MED12L: variants seen among roughly 807,000 people sequenced by gnomAD.
The protein encoded by MED12L is mediator complex subunit 12L, also known as mediator of RNA polymerase II transcription subunit 12-like protein.
In MED12L, 60 loss-of-function variants were observed where a neutral mutation model predicts 281.3. The observed-to-expected ratio is 0.21, with a 90% CI of 0.17 to 0.26. The LOEUF (loss-of-function observed/expected upper bound fraction) is 0.26, where lower values mean the gene tolerates loss of function less well. Ranked by LOEUF, MED12L falls within the 10% of genes least tolerant of loss-of-function variation. The pLI is 1.00. For missense variants in MED12L, 2,146 were observed against 2,680.9 expected (o/e 0.80, Z 4.41); for synonymous variants, 974 against 987.2 (o/e 0.99, Z 0.25).
intron 16 of MED12L, among the ~76,000 whole-genome samples, chr3:151,239,914 C>T (rs1342258755): frequency 6.6e-6 from 1 of 152,192 alleles, no homozygotes; most frequent in African/African-American, 2.4e-5. Flanking sequence ...TTCCCAAGTT[C>T]ATTTTTGTAA....
In MED12L at chr3:151,413,189, A is replaced by G. The variant is rs746494648; in HGVS notation, c.6191A>G (p.Asp2064Gly). ...AGCCCTCTGGTGGGCGGGGGAATTG[A>G]TGCTGTGCTGACTTCTGCACATCCA... Reference protein sequence around the residue: ...QQSPLVGGGIDAVLTSAHPNL... With the variant: ...QQSPLVGGGIGAVLTSAHPNL... The change falls in exon 42 of 45, where the codon GAT (aspartate) becomes GGT (glycine). Residue 2064 changes from aspartate to glycine, a missense_variant. Transcript: ENST00000687756. The G allele has an allele frequency of 8.7e-6, 14 of 1,614,014 alleles. No individual in the cohort carries two copies. The highest frequency in any genetic ancestry group is 1.6e-4 in the Middle Eastern group (1 of 6,084).
In MED12L at chr3:151,159,007, C is replaced by T. The variant is rs150933440; in HGVS notation, c.837+208C>T. 8.5e-5 allele frequency among the ~76,000 whole-genome samples: 13 copies of T among 152,304 alleles called. No individual in the cohort carries two copies. The East Asian group carries it at 2.1e-3, about 25-fold the overall frequency. ...TGTTAACCATGTTGGTAGTTTTTAT[C>T]CATGTGTCCTAATTTTTAAGTAATT... On this transcript the variant is annotated intron_variant, in intron 7 of 44. Coordinates refer to ENST00000687756, the MANE Select transcript of MED12L (RefSeq NM_001393769.1).
At chr3:151,261,702 G>A (rs1314757743) in intron 16 of MED12L, among the ~76,000 whole-genome samples, 1 of 151,306 alleles carries the variant, frequency 6.6e-6, no homozygotes, top group African/African-American at 2.4e-5. Context: ...GTTTTGTTTT[G>A]TTTTGTTTTG....
At chr3:151,114,041 C>G (rs1056859094) in intron 2 of MED12L, among the ~76,000 whole-genome samples, 2 of 152,156 alleles carry the variant, frequency 1.3e-5, no homozygotes, top group African/African-American at 4.8e-5. Context: ...CTACTTTCCC[C>G]CTGAGCTCAC....
chr3:151,118,409 T>C (rs1713205904), intron 3 of MED12L, among the ~76,000 whole-genome samples: 2 of 152,232 alleles, frequency 1.3e-5, no homozygotes, highest in African/African-American at 4.8e-5. Flanking sequence ...AGAAACATTT[T>C]CTGCAGATAG....
rs570110692 is a variant in MED12L at position 151,122,760 on chromosome 3, C to CT, written c.205-16dup. 1.1e-4 allele frequency: 169 copies of CT among 1,546,236 alleles called. 1 individual carries two copies. In the African/African-American group the frequency reaches 2.0e-3, roughly 19 times the overall value. Reference sequence around the variant, plus strand: ...TACTTGCTTATTGTCTTAACTTTCCCTTTTTTTCTCTTCTTTCCACAGATT... The same window carrying CT: ...TACTTGCTTATTGTCTTAACTTTCCCTTTTTTTTCTCTTCTTTCCACAGATT... On this transcript the variant is annotated intron_variant, in intron 3 of 44. Transcript: ENST00000687756.
intron 6 of MED12L, among the ~76,000 whole-genome samples, chr3:151,156,861 T>C (rs1326733120): frequency 6.6e-6 from 1 of 152,106 alleles, no homozygotes; most frequent in African/African-American, 2.4e-5. Flanking sequence ...ACCTTATTCA[T>C]GGTAAGGTAA....
At chr3:151,186,194 A>G (rs1723241323) in intron 12 of MED12L, among the ~76,000 whole-genome samples, 1 of 152,182 alleles carries the variant, frequency 6.6e-6, no homozygotes, top group South Asian at 2.1e-4. Context: ...TGTTGAGGGA[A>G]ATTTTCTAAG....
intron 39 of MED12L, among the ~76,000 whole-genome samples, chr3:151,408,844 T>C (rs1340821620): frequency 2.0e-5 from 3 of 152,232 alleles, no homozygotes; most frequent in African/African-American, 7.2e-5. Flanking sequence ...AAATTTTATA[T>C]GCCACCGTGT....
chr3:151,170,197 G>A (rs1014583555), intron 11 of MED12L, among the ~76,000 whole-genome samples: 1 of 152,110 alleles, frequency 6.6e-6, no homozygotes, highest in African/African-American at 2.4e-5. Context: ...CTGATTCTGT[G>A]CCCACATTGG....
At chr3:151,107,186 G>A (rs1031029763) in intron 2 of MED12L, among the ~76,000 whole-genome samples, 1 of 151,282 alleles carries the variant, frequency 6.6e-6, no homozygotes, top group Non-Finnish European at 1.5e-5. Context: ...GTTTTTCGGA[G>A]TTGTTGCTCT....
At chr3:151,285,212 T>C (rs1432552773) in intron 16 of MED12L, among the ~76,000 whole-genome samples, 2 of 151,978 alleles carry the variant, frequency 1.3e-5, no homozygotes, top group Non-Finnish European at 2.9e-5. Flanking sequence ...TGGCCGGACG[T>C]GGTGGCTCAC....
chr3:151,276,067 A>G (rs1412568572), intron 16 of MED12L, among the ~76,000 whole-genome samples: 1 of 152,222 alleles, frequency 6.6e-6, no homozygotes, highest in Non-Finnish European at 1.5e-5. Context: ...ACAATCAAGG[A>G]CACTTTTGAG....
At chr3:151,215,672 C>T (rs892365761) in intron 16 of MED12L, among the ~76,000 whole-genome samples, 4 of 152,148 alleles carry the variant, frequency 2.6e-5, no homozygotes, top group African/African-American at 4.8e-5. Flanking sequence ...TTTGATATAT[C>T]GGAACAGATG....
chr3:151,150,873 A>G (rs905570602), intron 5 of MED12L, among the ~76,000 whole-genome samples: 2 of 152,112 alleles, frequency 1.3e-5, no homozygotes, highest in Non-Finnish European at 2.9e-5. Flanking sequence ...CTTAGCCTTC[A>G]TAGAATTGAA....
chr3:151,327,895 G>A, intron 16 of MED12L: 1 of 851,176 alleles, frequency 1.2e-6, no homozygotes. Flanking sequence ...ATGTAAGAGA[G>A]CATTTGTTCC....
chr3:151,368,742 T>TTCATG (rs1755785125), intron 25 of MED12L, among the ~76,000 whole-genome samples: 2 of 127,950 alleles, frequency 1.6e-5, no homozygotes, highest in Admixed American at 9.0e-5. Flanking sequence ...TTCATTTCAT[T>TTCATG]TCATTTCATG....
intron 16 of MED12L, among the ~76,000 whole-genome samples, chr3:151,211,880 C>T (rs1340276557): frequency 2.6e-5 from 4 of 152,166 alleles, no homozygotes; most frequent in African/African-American, 9.7e-5. Context: ...TCCTGGACTT[C>T]AGTGATCTGC....
chr3:151,233,053 A>G (rs897117197), intron 16 of MED12L, among the ~76,000 whole-genome samples: 20 of 152,180 alleles, frequency 1.3e-4, no homozygotes, highest in African/African-American at 4.6e-4. Flanking sequence ...AAAAACACCA[A>G]CATTGTCCCT....
Sources: allele counts gnomAD v4.1 joint callset (sites outside exome capture counted in the v4.1 genomes callset), GRCh38; gene constraint gnomAD v4.1.1; transcripts MANE v1.5; gene names NCBI Gene and HGNC (gene_info 2026-07-23, HGNC 2026-07-21).